The following DRC8 variants were observed in gnomAD, a reference collection of about 807,000 sequenced individuals.
The protein encoded by DRC8 is dynein regulatory complex protein 8.
the DRC8 span, among the ~76,000 whole-genome samples, chr1:245,081,022 C>T: frequency 6.2e-3 from 949 of 152,278 alleles, no homozygotes; most frequent in Non-Finnish European, 0.01. Flanking sequence ...TCATTACCTT[C>T]TACTCATACT....
At chr1:244,996,613 C>T in the DRC8 span, among the ~76,000 whole-genome samples, 1 of 152,108 alleles carries the variant, frequency 6.6e-6, no homozygotes, top group East Asian at 1.9e-4. Context: ...AACTGCTACC[C>T]CCAGTTGAAG....
At chr1:245,105,622 C>CAAAAAA in the DRC8 span, among the ~76,000 whole-genome samples, 1 of 114,342 alleles carries the variant, frequency 8.7e-6, no homozygotes. Flanking sequence ...GACCCCATCT[C>CAAAAAA]AAAAAAAAAA....
At chr1:244,986,715 A>C in the DRC8 span, among the ~76,000 whole-genome samples, 1 of 150,600 alleles carries the variant, frequency 6.6e-6, no homozygotes, top group Non-Finnish European at 1.5e-5. Context: ...ACTGCACTCC[A>C]GCCTGGGTAA....
the DRC8 span, chr1:245,075,686 C>T: frequency 3.9e-5 from 6 of 152,218 alleles, no homozygotes; most frequent in African/African-American, 1.4e-4. Flanking sequence ...CTCGAGGGAT[C>T]TTCTGGCAAA....
At chr1:245,056,419 C>A in the DRC8 span, among the ~76,000 whole-genome samples, 5 of 152,290 alleles carry the variant, frequency 3.3e-5, no homozygotes, top group African/African-American at 9.6e-5. Flanking sequence ...CCTCAGCCTC[C>A]TGAGTAGCTG....
the DRC8 span, among the ~76,000 whole-genome samples, chr1:245,039,645 C>T: frequency 6.6e-6 from 1 of 152,130 alleles, no homozygotes; most frequent in African/African-American, 2.4e-5. Context: ...TCCCAGGATC[C>T]GTGCAGAACG....
the DRC8 span, among the ~76,000 whole-genome samples, chr1:244,984,544 C>T: frequency 3.5e-4 from 54 of 152,148 alleles, no homozygotes; most frequent in African/African-American, 1.2e-3. Flanking sequence ...TTTTAAAATA[C>T]TGAAAATAGG....
chr1:245,034,600 CAAAAAAAAAAAAAA>C, the DRC8 span, among the ~76,000 whole-genome samples: 2 of 39,492 alleles, frequency 5.1e-5, no homozygotes, highest in Non-Finnish European at 8.2e-5. Flanking sequence ...GACTCCATCT[CAAAAAAAAAAAAAA>C]AAAAAAAAAA....
the DRC8 span, among the ~76,000 whole-genome samples, chr1:245,040,386 C>T: frequency 1.3e-5 from 2 of 152,154 alleles, no homozygotes; most frequent in African/African-American, 2.4e-5. Context: ...GAATCACACT[C>T]GCCATCAAGA....
At chr1:245,059,397 C>G in the DRC8 span, 7 of 1,609,816 alleles carry the variant, frequency 4.3e-6, no homozygotes, top group Non-Finnish European at 5.9e-6. Flanking sequence ...GAGATTGGAA[C>G]AATTATCAGG....
the DRC8 span, among the ~76,000 whole-genome samples, chr1:245,026,038 G>T: frequency 2.0e-5 from 3 of 152,136 alleles, no homozygotes; most frequent in Non-Finnish European, 4.4e-5. Context: ...CTAGTACACT[G>T]TGTTTACTTT....
At chr1:245,004,679 G>T in the DRC8 span, among the ~76,000 whole-genome samples, 2 of 152,152 alleles carry the variant, frequency 1.3e-5, no homozygotes, top group African/African-American at 2.4e-5. Flanking sequence ...CCCTTAACGT[G>T]TGTGCCAGAT....
chr1:245,011,572 A>C, the DRC8 span, among the ~76,000 whole-genome samples: 1 of 152,222 alleles, frequency 6.6e-6, no homozygotes, highest in African/African-American at 2.4e-5. Context: ...TGGGACCTCC[A>C]AATGTTTTGG....
chr1:245,061,182 G>A, the DRC8 span, among the ~76,000 whole-genome samples: 1 of 152,168 alleles, frequency 6.6e-6, no homozygotes, highest in Non-Finnish European at 1.5e-5. Context: ...TCAAAGCTTC[G>A]TTTCACATCT....
the DRC8 span, among the ~76,000 whole-genome samples, chr1:244,989,201 T>C: frequency 6.6e-6 from 1 of 152,152 alleles, no homozygotes; most frequent in African/African-American, 2.4e-5. Flanking sequence ...AGTGTTGGGA[T>C]TACAGGCATG....
chr1:245,092,734 G>C, the DRC8 span, among the ~76,000 whole-genome samples: 1 of 152,194 alleles, frequency 6.6e-6, no homozygotes, highest in East Asian at 1.9e-4. Flanking sequence ...GATATTGAAT[G>C]AAAGTGTGGG....
chr1:245,024,824 G>T, the DRC8 span, among the ~76,000 whole-genome samples: 1 of 152,188 alleles, frequency 6.6e-6, no homozygotes, highest in Middle Eastern at 3.4e-3. Context: ...GATTACAGAC[G>T]TGAGCCACCA....
At chr1:244,996,596 A>G in the DRC8 span, among the ~76,000 whole-genome samples, 1 of 152,214 alleles carries the variant, frequency 6.6e-6, no homozygotes, top group Non-Finnish European at 1.5e-5. Flanking sequence ...TTTACAATCC[A>G]GAAAGGAACT....
At chr1:245,011,982 A>ACATGCCTGTAATCCCAGCACTTT in the DRC8 span, among the ~76,000 whole-genome samples, 1 of 152,200 alleles carries the variant, frequency 6.6e-6, no homozygotes, top group Non-Finnish European at 1.5e-5. Context: ...TTGGGAGGTC[A>ACATGCCTGTAATCCCAGCACTTT]CGGGAGGTGG....
Sources: gnomAD v4.1 joint callset for allele counts (sites outside exome capture counted in the v4.1 genomes callset) on GRCh38, gnomAD v4.1.1 for gene constraint, MANE v1.5 for transcripts, NCBI Gene and HGNC (gene_info 2026-07-23, HGNC 2026-07-21) for gene names.